Variants in CTDSPL2 observed in about 807,000 individuals in gnomAD.
CTDSPL2 encodes the protein CTD small phosphatase-like protein 2.
Under a neutral mutation model 60.0 loss-of-function variants are expected in CTDSPL2, and 5 were observed. The observed-to-expected ratio is 0.08, with a 90% confidence interval of 0.04 to 0.18. The LOEUF is 0.18. Ranked by LOEUF, CTDSPL2 falls within the 10% of genes least tolerant of loss-of-function variation. The pLI is 1.00. For synonymous variants in CTDSPL2, 186 were observed against 189.3 expected (o/e 0.98, Z 0.14); for missense variants, 370 against 548.8 (o/e 0.67, Z 3.26).
chr15:44,477,763 G>C (rs956334122), intron 2 of CTDSPL2, among the ~76,000 whole-genome samples: 61 of 152,044 alleles, frequency 4.0e-4, no homozygotes, highest in African/African-American at 1.4e-3. Flanking sequence ...ACTTGAACCT[G>C]GGAGGCAGAG....
chr15:44,503,262 A>G (rs1322966663), intron 8 of CTDSPL2, among the ~76,000 whole-genome samples: 2 of 152,144 alleles, frequency 1.3e-5, no homozygotes, highest in African/African-American at 4.8e-5. Flanking sequence ...TTAAGAAAAC[A>G]TGTATTCATA....
chr15:44,432,823 G>C (rs1394739959), intron 1 of CTDSPL2, among the ~76,000 whole-genome samples: 1 of 151,800 alleles, frequency 6.6e-6, no homozygotes. Context: ...GTTTCACCAT[G>C]TTGGCCAGGC....
intron 1 of CTDSPL2, among the ~76,000 whole-genome samples, chr15:44,458,151 G>A (rs2080487775): frequency 6.6e-6 from 1 of 152,084 alleles, no homozygotes; most frequent in Admixed American, 6.6e-5. Context: ...AGAATGGTAA[G>A]GTAAATATGT....
At chr15:44,441,876 T>C (rs1324927508) in intron 1 of CTDSPL2, among the ~76,000 whole-genome samples, 2 of 152,200 alleles carry the variant, frequency 1.3e-5, no homozygotes, top group East Asian at 3.8e-4. Context: ...CTCTTCTCTT[T>C]CTGGGGCTGT....
chr15:44,439,310 G>A (rs190514554), intron 1 of CTDSPL2, among the ~76,000 whole-genome samples: 4 of 151,714 alleles, frequency 2.6e-5, no homozygotes, highest in Admixed American at 1.3e-4. Flanking sequence ...CACCATGCCC[G>A]TCTAATTTTT....
At chr15:44,477,289 T>A (rs2080938123) in intron 2 of CTDSPL2, among the ~76,000 whole-genome samples, 1 of 152,032 alleles carries the variant, frequency 6.6e-6, no homozygotes, top group Non-Finnish European at 1.5e-5. Context: ...TCCCAGCACT[T>A]TGGGAGGCCA....
chr15:44,496,512 C>T (rs892290035), intron 6 of CTDSPL2, 54 bp downstream of exon 6: 41 of 1,322,742 alleles, frequency 3.1e-5, no homozygotes, highest in African/African-American at 8.8e-5. Context: ...GATGAGAGTA[C>T]GTTATATATG....
intron 1 of CTDSPL2, among the ~76,000 whole-genome samples, chr15:44,442,158 A>C (rs545842126): frequency 1.6e-4 from 25 of 152,252 alleles, no homozygotes; most frequent in African/African-American, 6.0e-4. Context: ...GGGGGAAAAA[A>C]CATATATTGT....
chr15:44,520,257 C>T (rs541223924), intron 11 of CTDSPL2: 1 of 152,038 alleles, frequency 6.6e-6, no homozygotes, highest in South Asian at 2.1e-4. Context: ...CGTGATTCTC[C>T]TGCCTCCACC....
At chr15:44,494,770 G>C (rs1256209992) in intron 5 of CTDSPL2, among the ~76,000 whole-genome samples, 1 of 151,762 alleles carries the variant, frequency 6.6e-6, no homozygotes, top group Non-Finnish European at 1.5e-5. Flanking sequence ...CAAAAAATTA[G>C]CCGGGCGTGG....
At chr15:44,471,594 A>G (rs2053808196) in intron 2 of CTDSPL2, among the ~76,000 whole-genome samples, 1 of 152,172 alleles carries the variant, frequency 6.6e-6, no homozygotes, top group Admixed American at 6.6e-5. Flanking sequence ...AACTTTAAAT[A>G]TGTAATATAG....
intron 1 of CTDSPL2, chr15:44,448,051 A>T (rs753765830): frequency 4.2e-6 from 1 of 239,750 alleles, no homozygotes; most frequent in African/African-American, 2.3e-5. Flanking sequence ...GTTGGCACCT[A>T]TGTGCTCCAG....
intron 2 of CTDSPL2, among the ~76,000 whole-genome samples, chr15:44,463,546 A>T (rs2080619603): frequency 6.6e-6 from 1 of 152,220 alleles, no homozygotes; most frequent in African/African-American, 2.4e-5. Flanking sequence ...ATATTCTATA[A>T]GATTATTATT....
intron 7 of CTDSPL2, among the ~76,000 whole-genome samples, chr15:44,498,234 A>G (rs1462960145): frequency 6.6e-6 from 1 of 152,172 alleles, no homozygotes; most frequent in Non-Finnish European, 1.5e-5. Flanking sequence ...ATATTGGAAA[A>G]TATTTTATTA....
intron 6 of CTDSPL2, among the ~76,000 whole-genome samples, chr15:44,496,783 C>T (rs2081307913): frequency 6.6e-6 from 1 of 152,060 alleles, no homozygotes; most frequent in South Asian, 2.1e-4. Context: ...ATCACTTGAG[C>T]CCAGGAGGCA....
intron 2 of CTDSPL2, among the ~76,000 whole-genome samples, chr15:44,478,184 T>C (rs35555389): frequency 0.051 from 7,783 of 152,066 alleles, 351 homozygotes; most frequent in East Asian, 0.23. Flanking sequence ...TGGTGGCTGA[T>C]GCCTGTTATC....
chr15:44,452,785 T>C (rs1437093798), intron 1 of CTDSPL2, among the ~76,000 whole-genome samples: 5 of 152,212 alleles, frequency 3.3e-5, no homozygotes, highest in Middle Eastern at 3.2e-3. Context: ...AAAATTCTTA[T>C]GAATAATATT....
intron 1 of CTDSPL2, among the ~76,000 whole-genome samples, chr15:44,431,271 G>C (rs1052927931): frequency 6.6e-6 from 1 of 152,104 alleles, no homozygotes; most frequent in Non-Finnish European, 1.5e-5. Flanking sequence ...TCATGATGAG[G>C]AGCCTTGACA....
At chr15:44,449,888 G>A (rs1171666571) in intron 1 of CTDSPL2, among the ~76,000 whole-genome samples, 1 of 152,062 alleles carries the variant, frequency 6.6e-6, no homozygotes, top group African/African-American at 2.4e-5. Context: ...CTACTTGGGA[G>A]GGTGAGGCAG....
Sources: allele counts gnomAD v4.1 joint callset (sites outside exome capture counted in the v4.1 genomes callset), GRCh38; gene constraint gnomAD v4.1.1; transcripts MANE v1.5; gene names NCBI Gene and HGNC (gene_info 2026-07-23, HGNC 2026-07-21).